Variants in ARNT observed in about 807,000 individuals in gnomAD.
The protein encoded by ARNT is class E basic helix-loop-helix protein 2.
A neutral mutation model predicts 105.0 loss-of-function variants in ARNT; 30 were observed. That is an observed-to-expected ratio of 0.29 (90% confidence interval 0.21 to 0.39). The LOEUF is 0.39. ARNT is among the 10% of genes least tolerant of loss of function. The pLI is 1.00. For missense variants in ARNT, 748 were observed against 978.7 expected, an observed-to-expected ratio of 0.76 and a Z score of 3.15; for synonymous variants, 304 against 344.0, an observed-to-expected ratio of 0.88 and a Z score of 1.29.
chr1:150,835,430 C>T (rs1263295543), intron 7 of ARNT, among the ~76,000 whole-genome samples: 2 of 152,090 alleles, frequency 1.3e-5, no homozygotes. Context: ...CAGACAGAAC[C>T]TGTCTCTACA....
At chr1:150,822,246 T>C (rs1214990074) in intron 14 of ARNT, among the ~76,000 whole-genome samples, 1 of 152,184 alleles carries the variant, frequency 6.6e-6, no homozygotes, top group East Asian at 1.9e-4. Flanking sequence ...TTAAAATCTT[T>C]GGAATCTTCA....
chr1:150,832,298 G>T, intron 9 of ARNT, 36 bp downstream of exon 9: 1 of 1,603,696 alleles, frequency 6.2e-7, no homozygotes, highest in South Asian at 1.1e-5. Context: ...GCAGGTATTT[G>T]GCCATCCCTT....
chr1:150,848,588 G>A (rs1662704568), intron 3 of ARNT, among the ~76,000 whole-genome samples: 1 of 152,140 alleles, frequency 6.6e-6, no homozygotes, highest in African/African-American at 2.4e-5. Context: ...GAGAGCAGTG[G>A]CGCAACCTCG....
rs58630631 is a variant in ARNT at position 150,811,458 on chromosome 1, G to GCACACACACACACACA, written c.*547_*562dup. 2 of 209,080 alleles carry GCACACACACACACACA rather than the reference G, an allele frequency of 9.6e-6. No homozygotes were observed. Among genetic ancestry groups the GCACACACACACACACA allele is most frequent in the Non-Finnish European group, 1.9e-5 (2 of 103,592 alleles). The allele number at this position is 209,080 out of a possible 1,614,324, so 13.0% of individuals were successfully genotyped here. A position where few individuals can be genotyped will look rare whatever the true frequency, so the allele number is the denominator to read the frequency against. On this transcript the variant is annotated 3_prime_UTR_variant, in exon 22 of 22. Transcript: ENST00000358595. Reference sequence around the variant, plus strand: ...GAGTGAAATACAGAAGCATGTGTGCGCACACACACACACACACACATACAC... The same window carrying GCACACACACACACACA: ...GAGTGAAATACAGAAGCATGTGTGCGCACACACACACACACACACACACACACACACACACATACAC...
rs979296546 is a variant in ARNT, at chr1:150,810,032, CTGT to C, written c.*1986_*1988del. 2.6e-5 allele frequency: 6 copies of C among 228,782 alleles called. No individual in the cohort carries two copies. Among genetic ancestry groups the C allele is most frequent in the African/African-American group, 1.3e-4 (6 of 45,120 alleles). 14.2% of individuals were successfully genotyped at this position (228,782 alleles called of 1,614,324 possible). On this transcript the variant is annotated 3_prime_UTR_variant, in exon 22 of 22. Transcript: ENST00000358595. The stretch of plus-strand genomic sequence containing the variant: ...TATAGATTCCTCTGGTTGTGGGTGC[CTGT>C]TGTTTATGAACTGGAAAGGAATGAT...
intron 13 of ARNT, among the ~76,000 whole-genome samples, chr1:150,824,651 C>T (rs978043423): frequency 6.6e-6 from 1 of 151,578 alleles, no homozygotes; most frequent in Non-Finnish European, 1.5e-5. Context: ...GACGGGTTTT[C>T]ACCATGTTGG....
chr1:150,830,856 A>T (rs770540371), intron 10 of ARNT, among the ~76,000 whole-genome samples: 2 of 152,212 alleles, frequency 1.3e-5, no homozygotes, highest in African/African-American at 2.4e-5. Flanking sequence ...GGTATGAAAG[A>T]TCACATACTT....
Position 150,816,770 on chromosome 1 carries a change from C to A in ARNT, c.1802+18G>T. ...TCCCTCAGGGCCCTGTAAAGCAGCA[C>A]ATATATACGGGGCTCACCTGAAATT... On this transcript the variant is annotated intron_variant, in intron 18 of 21. Transcript: ENST00000358595. 6.4e-7 allele frequency: 1 copy of A among 1,566,918 alleles called. No homozygotes were observed. Among genetic ancestry groups the A allele is most frequent in the Non-Finnish European group, 8.6e-7 (1 of 1,164,858 alleles).
intron 4 of ARNT, 49 bp downstream of exon 4, chr1:150,846,213 CA>C: frequency 6.6e-7 from 1 of 1,516,902 alleles, no homozygotes; most frequent in South Asian, 1.1e-5. Context: ...TCTGGTTCTA[CA>C]ACATGGATCA....
chr1:150,836,244 G>A, intron 7 of ARNT, 36 bp downstream of exon 7: 1 of 1,587,678 alleles, frequency 6.3e-7, no homozygotes, highest in Admixed American at 1.7e-5. Context: ...AACAAGAAAG[G>A]ACTTCTCATT....
At chr1:150,837,181 C>T (rs1417570153) in intron 6 of ARNT, among the ~76,000 whole-genome samples, 1 of 152,162 alleles carries the variant, frequency 6.6e-6, no homozygotes, top group African/African-American at 2.4e-5. Flanking sequence ...TCCCTTCAGG[C>T]CTATAAAAAT....
At chr1:150,876,508 C>CAGAAA in intron 1 of ARNT, 35 bp downstream of exon 1, 1 of 1,548,574 alleles carries the variant, frequency 6.5e-7, no homozygotes, top group Non-Finnish European at 8.7e-7. Flanking sequence ...TCGGCCCCTC[C>CAGAAA]CCTTTAGAGG....
At chr1:150,835,818 AGATACAAAC>A (rs1460172958) in intron 7 of ARNT, among the ~76,000 whole-genome samples, 4 of 66,326 alleles carry the variant, frequency 6.0e-5, no homozygotes, top group Admixed American at 5.4e-4. Flanking sequence ...ACAACAGTAC[AGATACAAAC>A]AACAACAACA....
intron 1 of ARNT, among the ~76,000 whole-genome samples, chr1:150,864,565 G>A (rs1666205486): frequency 7.5e-6 from 1 of 133,220 alleles, no homozygotes; most frequent in African/African-American, 2.8e-5. Context: ...TGAACAATGA[G>A]ATCACATGGA....
At chr1:150,817,491 G>A (rs781389934) in intron 15 of ARNT, 58 bp from the exon 16 acceptor site, 1 of 1,517,868 alleles carries the variant, frequency 6.6e-7, no homozygotes, top group Non-Finnish European at 9.1e-7. Context: ...TTTTAAAAAA[G>A]AATCTGGAGA....
In ARNT at chr1:150,817,248, C is replaced by T. The variant is rs201982592; in HGVS notation, c.1579-46G>A. On this transcript the variant is annotated intron_variant, in intron 16 of 21. Coordinates refer to ENST00000358595, the MANE Select transcript of ARNT (RefSeq NM_001668.4). ...AATAACCATTAAAGATTTAACATGA[C>T]AATTCAATAACCCTAAAATTCATAT... 3.1e-6 allele frequency: 5 copies of T among 1,612,858 alleles called. No individual in the cohort carries two copies. The East Asian group carries it at 1.1e-4, about 36-fold the overall frequency.
chr1:150,814,520 A>G (rs1043132653), intron 19 of ARNT, among the ~76,000 whole-genome samples: 4 of 152,256 alleles, frequency 2.6e-5, no homozygotes, highest in Non-Finnish European at 5.9e-5. Context: ...ATATAAAACT[A>G]GAGGCATTCA....
At chr1:150,833,264 G>A (rs2101869105) in intron 8 of ARNT, among the ~76,000 whole-genome samples, 1 of 152,324 alleles carries the variant, frequency 6.6e-6, no homozygotes, top group South Asian at 2.1e-4. Flanking sequence ...AGCACTTTGG[G>A]AGGCTGACGC....
Position 150,832,348 on chromosome 1 carries a change from C to G in ARNT, c.855G>C (p.Val285=). Residue 285 remains valine (V), a synonymous_variant, in exon 9 of 22, where the codon GTG becomes GTC. Transcript: ENST00000358595. ...DPVSVNRLSF[V]RNRCRNGLGS... is the part of the protein sequence containing the mutation. The stretch of plus-strand genomic sequence containing the variant: ...TAGGATCTCACCTGCATCTGTTCCT[C>G]ACAAAGCTCAGCCTATTCACAGAAA... 1 of 1,614,106 alleles carries G rather than the reference C, an allele frequency of 6.2e-7. No individual in the cohort carries two copies. The highest frequency in any genetic ancestry group is 8.5e-7 in the Non-Finnish European group (1 of 1,180,006).
Sources: allele counts gnomAD v4.1 joint callset (sites outside exome capture counted in the v4.1 genomes callset), GRCh38; gene constraint gnomAD v4.1.1; transcripts MANE v1.5; gene names NCBI Gene and HGNC (gene_info 2026-07-23, HGNC 2026-07-21).